Variants in DOCK7 observed in about 807,000 individuals in gnomAD.
The protein encoded by DOCK7 is dedicator of cytokinesis protein 7.
DOCK7 carries 138 observed loss-of-function variants against 271.0 expected under a neutral mutation model. The ratio of observed to expected loss-of-function variants is 0.51; its 90% CI spans 0.44 to 0.59. DOCK7 has a LOEUF of 0.59. Ranked by LOEUF, DOCK7 falls within the 20% of genes least tolerant of loss-of-function variation. The probability of loss-of-function intolerance (pLI) is 0.00; values close to 1 mark genes in which losing one functional copy is unlikely to be tolerated. For synonymous variants in DOCK7, 823 were observed against 876.1 expected (o/e 0.94, Z 1.07); for missense variants, 2,066 against 2,592.4 (o/e 0.80, Z 4.41).
intron 20 of DOCK7, 68 bp from the exon 21 acceptor site, chr1:62,556,057 A>G (rs1287960435): frequency 2.0e-6 from 3 of 1,497,594 alleles, no homozygotes; most frequent in Non-Finnish European, 2.8e-6. Context: ...CACGAAGATC[A>G]ACATTTTGTC....
At position 62,633,401 on chromosome 1, in the gene DOCK7, T is replaced by C. The variant is rs953402162; in HGVS notation, c.1116+97A>G. The C allele has an allele frequency of 7.7e-6, 7 of 904,416 alleles. No homozygotes were observed. The Admixed American group carries it at 1.3e-4, about 17-fold the overall frequency. 56.0% of individuals were successfully genotyped at this position (904,416 alleles called of 1,614,324 possible). On this transcript the variant is annotated intron_variant, in intron 10 of 49. Coordinates refer to ENST00000635253, the MANE Select transcript of DOCK7 (RefSeq NM_001367561.1). Reference sequence around the variant, plus strand: ...TATGCTTTGTTGCATATTAAAGCTATTAATTGCTATTGCATATAAAATGCT... The same window carrying C: ...TATGCTTTGTTGCATATTAAAGCTACTAATTGCTATTGCATATAAAATGCT...
chr1:62,583,906 A>G lies in DOCK7; in HGVS notation c.1801-652T>C, dbSNP rs1748193. Reference sequence around the variant, plus strand: ...TATCTGTCTCTTGACTTCTGGAGTAATAACAGGAATACTGTCGTTAATCAG... The same window carrying G: ...TATCTGTCTCTTGACTTCTGGAGTAGTAACAGGAATACTGTCGTTAATCAG... On this transcript the variant is annotated intron_variant, in intron 15 of 49. Coordinates refer to ENST00000635253, the MANE Select transcript of DOCK7 (RefSeq NM_001367561.1). 0.023 allele frequency among the ~76,000 whole-genome samples: 3,556 copies of G among 152,260 alleles called. 140 individuals are homozygous for G. The highest frequency in any genetic ancestry group is 0.081 in the African/African-American group (3,350 of 41,550).
rs764776246 is a variant in DOCK7 at position 62,648,573 on chromosome 1, T to G, written c.390-29A>C. On this transcript the variant is annotated intron_variant, in intron 4 of 49. Coordinates refer to ENST00000635253, the MANE Select transcript of DOCK7 (RefSeq NM_001367561.1). ...TTAAAGAAAAAAAGTTAAATAAATA[T>G]CAACTATCAAACTTAGGAATTTTTT... The G allele has an allele frequency of 8.5e-6, 10 of 1,171,388 alleles. No individual in the cohort carries two copies. In the South Asian group the frequency reaches 2.2e-4, roughly 25 times the overall value. The allele number at this position is 1,171,388 out of a possible 1,614,324, so 72.6% of individuals were successfully genotyped here.
At position 62,528,239 on chromosome 1, in the gene DOCK7, C is replaced by T. The variant is rs771220306; in HGVS notation, c.3848G>A (p.Ser1283Asn). The T allele has an allele frequency of 1.7e-5, 28 of 1,613,762 alleles. No homozygotes were observed. Among genetic ancestry groups the T allele is most frequent in the South Asian group, 6.6e-5 (6 of 91,024 alleles). The change falls in exon 31 of 50, where the codon AGT (serine) becomes AAT (asparagine). Residue 1283 changes from serine (S) to asparagine (N), a missense_variant. This residue lies in a region of DOCK7 where 1,414 missense variants were observed against 1,670.4 expected (regional missense o/e 0.85). Transcript: ENST00000635253. ...CATGGCAACGGTCTGGCTTATCATA[C>T]TTCCGCTCTCACTTTCATAATCATC... ...ATDDYESESG[S>N]MISQTVAMAI...
rs577170841 is a variant in DOCK7 at position 62,578,973 on chromosome 1, A to T, written c.1872-7T>A. On this transcript the variant is annotated splice_region_variant and splice_polypyrimidine_tract_variant and intron_variant, in intron 16 of 49. Coordinates refer to ENST00000635253, the MANE Select transcript of DOCK7 (RefSeq NM_001367561.1). ...TTCATGAAAATCAGGAGACCTTCATACAAAAAAAAAAAAAAATCAACAGTC... is the reference window on the plus strand; with the variant it reads ...TTCATGAAAATCAGGAGACCTTCATTCAAAAAAAAAAAAAAATCAACAGTC... 22 of 1,516,546 alleles carry T rather than the reference A, an allele frequency of 1.5e-5. No individual in the cohort carries two copies. The African/African-American group carries it at 2.4e-4, about 17-fold the overall frequency. The allele number at this position is 1,516,546 out of a possible 1,614,324, so 93.9% of individuals were successfully genotyped here. A position where few individuals can be genotyped will look rare whatever the true frequency, so the allele number is the denominator to read the frequency against.
intron 14 of DOCK7, among the ~76,000 whole-genome samples, chr1:62,618,094 C>A (rs1652682081): frequency 6.6e-6 from 1 of 151,990 alleles, no homozygotes; most frequent in Non-Finnish European, 1.5e-5. Context: ...AAGTTCTGGT[C>A]TCGGCATTCA....
Position 62,513,606 on chromosome 1 carries a change from C to T in DOCK7, c.4120G>A (p.Gly1374Arg). ...YLCVSCFEYK[G>R]KKVFERMNSL... ...TTCATTCGTTCAAACACTTTTTTCC[C>T]CTAAAATGTAAACATTAGAAGAGAA... The change falls in exon 33 of 50, where the codon GGG becomes AGG. Residue 1374 changes from glycine (G) to arginine (R), a missense_variant and splice_region_variant. Around this residue, in one of 2 missense-constraint regions of DOCK7, gnomAD observed 1,414 missense variants for 1,670.4 expected, o/e 0.85. Coordinates refer to ENST00000635253, the MANE Select transcript of DOCK7 (RefSeq NM_001367561.1). 1 of 1,609,902 alleles carries T rather than the reference C, an allele frequency of 6.2e-7. No homozygotes were observed. Among genetic ancestry groups the T allele is most frequent in the East Asian group, 2.2e-5 (1 of 44,858 alleles).
intron 16 of DOCK7, among the ~76,000 whole-genome samples, chr1:62,582,306 T>TG (rs1647152723): frequency 6.6e-6 from 1 of 151,698 alleles, no homozygotes; most frequent in African/African-American, 2.4e-5. Flanking sequence ...ATCCCAGCAC[T>TG]TTGGGAGGCC....
intron 1 of DOCK7, among the ~76,000 whole-genome samples, chr1:62,683,700 C>T (rs1280619363): frequency 6.6e-6 from 1 of 152,044 alleles, no homozygotes; most frequent in African/African-American, 2.4e-5. Flanking sequence ...TTTGGGAGGC[C>T]GAGGTGGGCA....
intron 14 of DOCK7, chr1:62,609,076 T>G (rs886608924): frequency 1.3e-5 from 2 of 152,166 alleles, no homozygotes. Context: ...ACAGCAGTTT[T>G]AAAAATGAAA....
intron 23 of DOCK7, among the ~76,000 whole-genome samples, chr1:62,544,405 G>C (rs1299994296): frequency 6.6e-6 from 1 of 152,136 alleles, no homozygotes; most frequent in Non-Finnish European, 1.5e-5. Context: ...TTGCAACACA[G>C]TACAAATTAA....
chr1:62,512,957 A>G (rs886514507), intron 33 of DOCK7, among the ~76,000 whole-genome samples: 1 of 151,840 alleles, frequency 6.6e-6, no homozygotes, highest in Non-Finnish European at 1.5e-5. Context: ...AATGATCCCT[A>G]ATGTAAACTG....
At chr1:62,634,943 A>T (rs538651700) in intron 8 of DOCK7, 21 bp from the exon 9 acceptor site, 2 of 1,532,050 alleles carry the variant, frequency 1.3e-6, no homozygotes, top group South Asian at 2.4e-5. Flanking sequence ...TTAGTATGTT[A>T]AACTTTAAAA....
At chr1:62,505,882 C>T (rs1441992625) in intron 35 of DOCK7, 66 bp from the exon 36 acceptor site, 3 of 1,499,264 alleles carry the variant, frequency 2.0e-6, no homozygotes, top group Non-Finnish European at 2.7e-6. Flanking sequence ...ATGTTACAGG[C>T]CTCCCTATGT....
chr1:62,467,501 T>G (rs1221942175), intron 48 of DOCK7, among the ~76,000 whole-genome samples: 1 of 152,250 alleles, frequency 6.6e-6, no homozygotes, highest in Non-Finnish European at 1.5e-5. Flanking sequence ...TAAGACTGCT[T>G]CTGACTTCTT....
intron 31 of DOCK7, among the ~76,000 whole-genome samples, chr1:62,522,058 A>C (rs1644869525): frequency 6.6e-6 from 1 of 152,118 alleles, no homozygotes; most frequent in South Asian, 2.1e-4. Flanking sequence ...TCTCACAGAT[A>C]ATAAATTATA....
At chr1:62,488,652 A>G in intron 42 of DOCK7, 1 of 375,864 alleles carries the variant, frequency 2.7e-6, no homozygotes, top group Non-Finnish European at 5.0e-6. Flanking sequence ...TACCTTGTGA[A>G]ACAGAAAATC....
intron 1 of DOCK7, among the ~76,000 whole-genome samples, chr1:62,666,601 C>T (rs1015126561): frequency 2.6e-5 from 4 of 152,192 alleles, no homozygotes; most frequent in African/African-American, 9.6e-5. Context: ...AATAAAAAAA[C>T]TCTATCTCTT....
rs374725632 is a variant in DOCK7, at chr1:62,654,159, C to T, written c.145G>A (p.Val49Met). The T allele has an allele frequency of 8.0e-5, 129 of 1,606,804 alleles. No individual in the cohort carries two copies. Among genetic ancestry groups the T allele is most frequent in the Admixed American group, 2.6e-4 (15 of 58,700 alleles). The change falls in exon 3 of 50, where the codon GTG becomes ATG. Residue 49 changes from valine to methionine, a missense_variant and splice_region_variant. This residue lies in a region of DOCK7 where 1,414 missense variants were observed against 1,670.4 expected (regional missense o/e 0.85). Transcript: ENST00000635253. The stretch of plus-strand genomic sequence containing the variant: ...GGATCTACTGCTTCGGTAAGGGGCA[C>T]CTTTGTAAAAAGTTGGGATAAGAGA... ...IVGNISHHTT[V>M]PLTEAVDPVD...
Sources: allele counts gnomAD v4.1 joint callset (sites outside exome capture counted in the v4.1 genomes callset), GRCh38; gene constraint gnomAD v4.1.1; regional missense constraint gnomAD v4.1.1; transcripts MANE v1.5; gene names NCBI Gene and HGNC (gene_info 2026-07-23, HGNC 2026-07-21).